Variants in TENM3 observed in about 807,000 individuals in gnomAD.
The protein encoded by TENM3 is teneurin-3.
Under a neutral mutation model 255.1 loss-of-function variants are expected in TENM3, and 63 were observed. That is an observed-to-expected ratio of 0.25 (90% confidence interval 0.20 to 0.30). TENM3 has a LOEUF of 0.30. Ranked by LOEUF, TENM3 falls within the 10% of genes least tolerant of loss-of-function variation. TENM3 has a pLI of 1.00. For synonymous variants in TENM3, 1,306 were observed against 1,322.3 expected, an observed-to-expected ratio of 0.99 and a Z score of 0.27; for missense variants, 2,929 against 3,461.1, an observed-to-expected ratio of 0.85 and a Z score of 3.86.
chr4:182,021,488 C>G, the TENM3 span, among the ~76,000 whole-genome samples: 41,715 of 152,054 alleles, frequency 0.27, 6,492 homozygotes, highest in Middle Eastern at 0.38. Context: ...CTCAAATCCC[C>G]CCCAGAAAAC....
At position 182,778,482 on chromosome 4, in the gene TENM3, A is replaced by G. The variant is rs80192505; in HGVS notation, c.5304+3329A>G. ...GGAGCAGGCACACAAAACAACCTGT[A>G]GCAAGTTGATGCTCTACCAGGGACA... On this transcript the variant is annotated intron_variant, in intron 24 of 27. Coordinates refer to ENST00000511685, the MANE Select transcript of TENM3 (RefSeq NM_001080477.4). Among the ~76,000 whole-genome samples the G allele has an allele frequency of 6.0e-3, 921 of 152,292 alleles. 8 individuals carry two copies. The highest frequency in any genetic ancestry group is 0.021 in the African/African-American group (880 of 41,558).
At chr4:182,587,119 C>G (rs963405573) in intron 3 of TENM3, among the ~76,000 whole-genome samples, 1 of 152,052 alleles carries the variant, frequency 6.6e-6, no homozygotes, top group African/African-American at 2.4e-5. Context: ...GAGACACAGT[C>G]TCACTCTGTT....
chr4:181,591,369 T>C, the TENM3 span, among the ~76,000 whole-genome samples: 13 of 152,320 alleles, frequency 8.5e-5, no homozygotes, highest in African/African-American at 2.9e-4. Flanking sequence ...CATTCAACTC[T>C]TAGGAATTTA....
chr4:181,828,100 G>C, the TENM3 span, among the ~76,000 whole-genome samples: 1 of 152,204 alleles, frequency 6.6e-6, no homozygotes, highest in African/African-American at 2.4e-5. Flanking sequence ...AAAAGGCAGA[G>C]CTGTTTTCTC....
At chr4:181,740,108 A>T in the TENM3 span, among the ~76,000 whole-genome samples, 1 of 152,178 alleles carries the variant, frequency 6.6e-6, no homozygotes, top group Admixed American at 6.5e-5. Context: ...TTTCATCCTG[A>T]ATGAAATCCA....
chr4:181,607,022 G>T, the TENM3 span, among the ~76,000 whole-genome samples: 1 of 152,164 alleles, frequency 6.6e-6, no homozygotes, highest in Admixed American at 6.5e-5. Context: ...AATAACACAA[G>T]CTTGTTCACT....
chr4:181,906,856 T>G, the TENM3 span, among the ~76,000 whole-genome samples: 1 of 152,154 alleles, frequency 6.6e-6, no homozygotes. Context: ...GGCTTCTTCT[T>G]GTTTTCTTTT....
chr4:182,190,506 G>A (rs1172435294), intron 1 of TENM3: 1 of 152,168 alleles, frequency 6.6e-6, no homozygotes, highest in African/African-American at 2.4e-5. Context: ...GTTCATGATA[G>A]CAGAGTGCTG....
chr4:181,818,830 T>C, the TENM3 span, among the ~76,000 whole-genome samples: 4 of 152,162 alleles, frequency 2.6e-5, no homozygotes, highest in African/African-American at 9.7e-5. Context: ...CTCAAACTCC[T>C]GACCTCGGGT....
chr4:181,710,601 G>C, the TENM3 span, among the ~76,000 whole-genome samples: 2 of 152,138 alleles, frequency 1.3e-5, no homozygotes, highest in East Asian at 3.9e-4. Flanking sequence ...TGTAGTCCCA[G>C]CTACTCGGGA....
the TENM3 span, among the ~76,000 whole-genome samples, chr4:181,463,441 C>T: frequency 6.6e-6 from 1 of 152,170 alleles, no homozygotes; most frequent in Non-Finnish European, 1.5e-5. Context: ...CTGCATTAGG[C>T]TTACTTACAG....
chr4:182,472,248 A>G (rs985449409), intron 3 of TENM3, among the ~76,000 whole-genome samples: 10 of 152,002 alleles, frequency 6.6e-5, no homozygotes, highest in Non-Finnish European at 1.5e-4. Context: ...TATTTTTTGA[A>G]CCTTACTTTC....
the TENM3 span, among the ~76,000 whole-genome samples, chr4:181,629,161 C>T: frequency 6.6e-6 from 1 of 152,098 alleles, no homozygotes; most frequent in Admixed American, 6.6e-5. Flanking sequence ...TATAGGAATG[C>T]TTGTGATTTT....
At chr4:182,048,903 G>A in the TENM3 span, among the ~76,000 whole-genome samples, 6 of 152,286 alleles carry the variant, frequency 3.9e-5, no homozygotes, top group South Asian at 1.0e-3. Context: ...CACCAGGAAT[G>A]GTAAGTTGTT....
At chr4:182,339,496 C>T (rs1046622983) in intron 2 of TENM3, among the ~76,000 whole-genome samples, 1 of 152,138 alleles carries the variant, frequency 6.6e-6, no homozygotes, top group Non-Finnish European at 1.5e-5. Flanking sequence ...CTTTCAGGCT[C>T]GGCAGCCAAC....
the TENM3 span, among the ~76,000 whole-genome samples, chr4:181,504,802 A>C: frequency 2.0e-5 from 3 of 152,210 alleles, no homozygotes; most frequent in African/African-American, 4.8e-5. Context: ...GCTGTCTCCT[A>C]TAGTTAAGAA....
At chr4:181,503,823 C>T in the TENM3 span, among the ~76,000 whole-genome samples, 1 of 152,206 alleles carries the variant, frequency 6.6e-6, no homozygotes, top group East Asian at 1.9e-4. Context: ...TTCTTCCCTT[C>T]CTTTCTGACC....
chr4:181,477,991 C>A, the TENM3 span, among the ~76,000 whole-genome samples: 1 of 152,172 alleles, frequency 6.6e-6, no homozygotes, highest in Non-Finnish European at 1.5e-5. Flanking sequence ...TTGCAGCTTG[C>A]TTGTGTACAT....
intron 3 of TENM3, among the ~76,000 whole-genome samples, chr4:182,497,847 C>CATACAT (rs1253478006): frequency 7.4e-6 from 1 of 135,640 alleles, no homozygotes; most frequent in Admixed American, 7.0e-5. Flanking sequence ...ACTAAAAATA[C>CATACAT]ATATATATAT....
Sources: allele counts gnomAD v4.1 joint callset (sites outside exome capture counted in the v4.1 genomes callset), GRCh38; gene constraint gnomAD v4.1.1; transcripts MANE v1.5; gene names NCBI Gene and HGNC (gene_info 2026-07-23, HGNC 2026-07-21).